The following BST1 variants were observed in gnomAD, a reference collection of about 807,000 sequenced individuals.
BST1 encodes the protein ADP-ribosyl cyclase/cyclic ADP-ribose hydrolase 2.
Under a neutral mutation model 40.6 loss-of-function variants are expected in BST1, and 49 were observed. That is an observed-to-expected ratio of 1.21 (90% CI 0.96 to 1.53). The LOEUF (loss-of-function observed/expected upper bound fraction) is 1.53. BST1 is among the 40% of genes most tolerant of loss of function. BST1 has a pLI of 0.00. For missense variants in BST1, 423 were observed against 395.9 expected (o/e 1.07, Z -0.58); for synonymous variants, 157 against 159.3 (o/e 0.99, Z 0.11).
In BST1 at chr4:15,723,732, T is replaced by C. The variant is rs569420960; in HGVS notation, c.851+798T>C. The C allele has an allele frequency of 2.7e-5, 17 of 628,502 alleles. No homozygotes were observed. The African/African-American group carries it at 3.4e-4, about 12-fold the overall frequency. The allele number at this position is 628,502 out of a possible 1,614,324, so 38.9% of individuals were successfully genotyped here. A position where few individuals can be genotyped will look rare whatever the true frequency, so the allele number is the denominator to read the frequency against. ...TTGAGTTGCTGAGTCAAAGAATGTG[T>C]GTGTATTTTAAATTTTGATATGTTC... On this transcript the variant is annotated intron_variant, in intron 8 of 8. Coordinates refer to ENST00000265016, the MANE Select transcript of BST1 (RefSeq NM_004334.3).
chr4:15,767,622 C>T, the BST1 span, among the ~76,000 whole-genome samples: 1 of 147,666 alleles, frequency 6.8e-6, no homozygotes, highest in South Asian at 2.1e-4. Context: ...TTTTTTTAAT[C>T]AAGTTTTATA....
chr4:15,733,298 C>G (rs981663618), downstream of BST1, among the ~76,000 whole-genome samples: 10 of 151,694 alleles, frequency 6.6e-5, no homozygotes, highest in African/African-American at 2.4e-4. Context: ...TAGCCGGACA[C>G]AGAGTGCTGA....
At chr4:15,766,058 A>G in the BST1 span, among the ~76,000 whole-genome samples, 4 of 152,002 alleles carry the variant, frequency 2.6e-5, no homozygotes, top group Non-Finnish European at 5.9e-5. Context: ...ATACTCATCA[A>G]CATACAGTTG....
chr4:15,731,220 G>A (rs536523078), intron 8 of BST1: 3 of 459,566 alleles, frequency 6.5e-6, no homozygotes, highest in South Asian at 6.3e-5. Context: ...GTGTGAGCAG[G>A]GAGGGGCAAT....
chr4:15,755,475 G>A, the BST1 span, among the ~76,000 whole-genome samples: 2 of 152,038 alleles, frequency 1.3e-5, no homozygotes, highest in African/African-American at 4.8e-5. Context: ...TGACTAATCT[G>A]GTATATTTAT....
chr4:15,772,118 T>C, the BST1 span, among the ~76,000 whole-genome samples: 2 of 152,290 alleles, frequency 1.3e-5, no homozygotes, highest in Admixed American at 6.5e-5. Flanking sequence ...TTTGATCTAT[T>C]TGACATTTAT....
At chr4:15,710,331 T>G (rs1477469394) in intron 3 of BST1, among the ~76,000 whole-genome samples, 1 of 152,164 alleles carries the variant, frequency 6.6e-6, no homozygotes, top group Non-Finnish European at 1.5e-5. Context: ...TTGTATATAT[T>G]TATGGCATAC....
chr4:15,721,268 G>A (rs1720794366), intron 7 of BST1, among the ~76,000 whole-genome samples: 1 of 152,194 alleles, frequency 6.6e-6, no homozygotes, highest in Admixed American at 6.5e-5. Context: ...CCCCACATCA[G>A]TAGAAAGTTC....
the BST1 span, among the ~76,000 whole-genome samples, chr4:15,744,274 A>G: frequency 4.6e-5 from 7 of 152,258 alleles, no homozygotes; most frequent in East Asian, 1.4e-3. Flanking sequence ...GTAATTTTTA[A>G]AGGAAAGAGG....
chr4:15,704,936 A>AGTAT (rs1485340316), intron 1 of BST1: 4 of 775,962 alleles, frequency 5.2e-6, no homozygotes, highest in Non-Finnish European at 9.6e-6. Context: ...AAGAAACAGC[A>AGTAT]GAGAACCACC....
At chr4:15,735,596 A>G (rs1721528998), downstream of BST1, among the ~76,000 whole-genome samples, 1 of 152,232 alleles carries the variant, frequency 6.6e-6, no homozygotes, top group East Asian at 1.9e-4. Flanking sequence ...GACAAGCAGC[A>G]TAAGACTTTT....
At position 15,731,692 on chromosome 4, in the gene BST1, T is replaced by G. The variant is rs750789489; in HGVS notation, c.852-48T>G. 5 of 1,570,556 alleles carry G rather than the reference T, an allele frequency of 3.2e-6. No individual in the cohort carries two copies. In the South Asian group the frequency reaches 5.7e-5, roughly 18 times the overall value. ...TGCACATATATTTTTGAGCGTAGAT[T>G]CCATACACCAATACTGACACTTTCT... On this transcript the variant is annotated intron_variant, in intron 8 of 8. Coordinates refer to ENST00000265016, the MANE Select transcript of BST1 (RefSeq NM_004334.3).
chr4:15,740,538 G>A (rs552743986), downstream of BST1, among the ~76,000 whole-genome samples: 1 of 152,088 alleles, frequency 6.6e-6, no homozygotes, highest in Non-Finnish European at 1.5e-5. Flanking sequence ...AGGTGAAGGT[G>A]TGAGGGGGTG....
intron 8 of BST1, chr4:15,731,053 G>A (rs1217072097): frequency 3.8e-6 from 2 of 531,848 alleles, no homozygotes; most frequent in African/African-American, 2.0e-5. Context: ...CTTGAGCAAT[G>A]TCACCAAGAA....
chr4:15,751,486 G>T, the BST1 span, among the ~76,000 whole-genome samples: 1 of 152,090 alleles, frequency 6.6e-6, no homozygotes, highest in Non-Finnish European at 1.5e-5. Flanking sequence ...TTCCTCAAAA[G>T]AAAGGTAGCA....
At chr4:15,747,345 A>G in the BST1 span, among the ~76,000 whole-genome samples, 1 of 152,188 alleles carries the variant, frequency 6.6e-6, no homozygotes, top group African/African-American at 2.4e-5. Flanking sequence ...TTATGCCATT[A>G]TAGTAGTCAT....
the BST1 span, among the ~76,000 whole-genome samples, chr4:15,751,738 T>A: frequency 6.6e-6 from 1 of 151,962 alleles, no homozygotes; most frequent in African/African-American, 2.4e-5. Flanking sequence ...TATGCACACA[T>A]CTATGTATAT....
chr4:15,760,934 C>T, the BST1 span, among the ~76,000 whole-genome samples: 1 of 151,568 alleles, frequency 6.6e-6, no homozygotes, highest in South Asian at 2.1e-4. Context: ...GAGTAATCTG[C>T]CTGCCTTGGC....
chr4:15,725,183 G>T (rs1721034275), intron 8 of BST1, among the ~76,000 whole-genome samples: 1 of 152,182 alleles, frequency 6.6e-6, no homozygotes, highest in Admixed American at 6.5e-5. Flanking sequence ...AAGAAACTCT[G>T]GCTCAGAGAA....
Sources: gnomAD v4.1 joint callset for allele counts (sites outside exome capture counted in the v4.1 genomes callset) on GRCh38, gnomAD v4.1.1 for gene constraint, MANE v1.5 for transcripts, NCBI Gene and HGNC (gene_info 2026-07-23, HGNC 2026-07-21) for gene names.